The following MAML3 variants were observed in gnomAD, a reference collection of about 807,000 sequenced individuals.
The protein encoded by MAML3 is mastermind-like protein 3.
MAML3 carries 27 observed loss-of-function variants against 101.9 expected under a neutral mutation model. That is an observed-to-expected ratio of 0.27 (90% CI 0.20 to 0.37). The LOEUF (loss-of-function observed/expected upper bound fraction) is 0.37. Among genes scored for constraint, MAML3 ranks in the 10% least tolerant of loss-of-function variants. The pLI, the probability that MAML3 is intolerant of heterozygous loss-of-function variation, is 1.00. For missense variants in MAML3, 1,316 were observed against 1,444.9 expected, an observed-to-expected ratio of 0.91 and a Z score of 1.45; for synonymous variants, 501 against 555.9, an observed-to-expected ratio of 0.90 and a Z score of 1.39.
At chr4:139,835,256 T>A (rs1731238483) in intron 2 of MAML3, among the ~76,000 whole-genome samples, 1 of 152,250 alleles carries the variant, frequency 6.6e-6, no homozygotes, top group African/African-American at 2.4e-5. Context: ...TGCATGCATG[T>A]TTATACTTCT....
chr4:139,918,924 C>G (rs887976183), intron 1 of MAML3, among the ~76,000 whole-genome samples: 3 of 151,970 alleles, frequency 2.0e-5, no homozygotes, highest in Non-Finnish European at 2.9e-5. Context: ...TTGGATTGAC[C>G]CCCAAGAAGC....
At chr4:140,090,264 G>A (rs1017467745) in intron 1 of MAML3, among the ~76,000 whole-genome samples, 15 of 152,146 alleles carry the variant, frequency 9.9e-5, no homozygotes, top group Non-Finnish European at 2.9e-5. Context: ...ATCCAACAAT[G>A]AAACAGCGAA....
At chr4:139,947,465 C>T (rs1323770807) in intron 1 of MAML3, among the ~76,000 whole-genome samples, 1 of 152,186 alleles carries the variant, frequency 6.6e-6, no homozygotes, top group African/African-American at 2.4e-5. Context: ...TCATGTAACA[C>T]TAACAATGCT....
chr4:139,734,203 C>T (rs1005180269), intron 2 of MAML3, among the ~76,000 whole-genome samples: 1 of 152,196 alleles, frequency 6.6e-6, no homozygotes, highest in Admixed American at 6.5e-5. Context: ...CCTCCAGTCT[C>T]AGAGGGCTTA....
chr4:139,928,050 T>C (rs980473327), intron 1 of MAML3, among the ~76,000 whole-genome samples: 18 of 152,226 alleles, frequency 1.2e-4, no homozygotes, highest in African/African-American at 3.9e-4. Context: ...GCTATATTTC[T>C]GCATCTGTCT....
chr4:139,723,114 A>C (rs1312486423), intron 4 of MAML3, among the ~76,000 whole-genome samples: 2 of 152,250 alleles, frequency 1.3e-5, no homozygotes, highest in Non-Finnish European at 2.9e-5. Context: ...TATCTATATG[A>C]GTGCGAAATA....
At chr4:139,899,848 T>A (rs990222746) in intron 1 of MAML3, among the ~76,000 whole-genome samples, 1 of 152,226 alleles carries the variant, frequency 6.6e-6, no homozygotes, top group African/African-American at 2.4e-5. Context: ...TTAAAACCTC[T>A]GCTTTCGACC....
intron 2 of MAML3, among the ~76,000 whole-genome samples, chr4:139,759,922 T>C (rs113871448): frequency 0.034 from 5,173 of 152,288 alleles, 261 homozygotes; most frequent in African/African-American, 0.11. Flanking sequence ...TCTGAAAATA[T>C]GTAAAACAAA....
Position 140,137,089 on chromosome 4 carries a change from C to T in MAML3, c.468+15771G>A, listed in dbSNP as rs549902388. The stretch of plus-strand genomic sequence containing the variant: ...CTGCAGGCTCCGCCTCCCGGGTTCA[C>T]GCCATTCTCCTGCCTCAGCCTCCTG... On this transcript the variant is annotated intron_variant, in intron 1 of 4. Transcript: ENST00000509479. 2.6e-5 allele frequency among the ~76,000 whole-genome samples: 4 copies of T among 152,324 alleles called. No homozygotes were observed. The South Asian group carries it at 8.3e-4, about 32-fold the overall frequency.
At chr4:139,742,842 A>G (rs911240789) in intron 2 of MAML3, among the ~76,000 whole-genome samples, 2 of 152,210 alleles carry the variant, frequency 1.3e-5, no homozygotes, top group Non-Finnish European at 2.9e-5. Flanking sequence ...CTTTTTGACT[A>G]TAACAATAGA....
At chr4:139,978,988 G>C (rs1734397935) in intron 1 of MAML3, among the ~76,000 whole-genome samples, 1 of 151,740 alleles carries the variant, frequency 6.6e-6, no homozygotes, top group Non-Finnish European at 1.5e-5. Flanking sequence ...AGTTACCTTA[G>C]AGAAACTGAC....
Position 140,088,225 on chromosome 4 carries a change from A to G in MAML3, c.468+64635T>C, listed in dbSNP as rs560150884. Among the ~76,000 whole-genome samples, 560 of 146,724 alleles carry G rather than the reference A, an allele frequency of 3.8e-3. 2 individuals carry two copies. Among genetic ancestry groups the G allele is most frequent in the African/African-American group, 0.013 (510 of 40,524 alleles). ...AAAGTGTGATGGGAGGGAGGAAGGG[A>G]GGGAGGACGGGAGGGAGGGAAAGAA... On this transcript the variant is annotated intron_variant, in intron 1 of 4. Coordinates refer to ENST00000509479, the MANE Select transcript of MAML3 (RefSeq NM_018717.5).
intron 2 of MAML3, among the ~76,000 whole-genome samples, chr4:139,872,685 T>C (rs886863565): frequency 2.6e-5 from 4 of 152,028 alleles, no homozygotes; most frequent in East Asian, 1.9e-4. Context: ...AAGGAAGGGA[T>C]AGAAATGATA....
chr4:139,987,482 T>G (rs191098043), intron 1 of MAML3, among the ~76,000 whole-genome samples: 1 of 152,338 alleles, frequency 6.6e-6, no homozygotes, highest in East Asian at 1.9e-4. Flanking sequence ...TCTTATGCCG[T>G]TCTTTATGGT....
intron 1 of MAML3, among the ~76,000 whole-genome samples, chr4:139,930,440 A>T (rs1485481905): frequency 6.6e-6 from 1 of 152,154 alleles, no homozygotes; most frequent in East Asian, 1.9e-4. Flanking sequence ...CCATCAGGGA[A>T]CTCAGCAGCT....
chr4:140,026,442 C>T (rs183663041), intron 1 of MAML3, among the ~76,000 whole-genome samples: 22 of 152,056 alleles, frequency 1.4e-4, no homozygotes, highest in Admixed American at 5.9e-4. Context: ...TTAGTACAGA[C>T]GGGGTTTCAC....
chr4:139,835,806 A>C (rs1731246711), intron 2 of MAML3, among the ~76,000 whole-genome samples: 1 of 152,244 alleles, frequency 6.6e-6, no homozygotes, highest in Non-Finnish European at 1.5e-5. Context: ...CAATGACAGA[A>C]GAGTCAAATG....
chr4:139,970,256 C>G (rs1265141031), intron 1 of MAML3, among the ~76,000 whole-genome samples: 1 of 152,112 alleles, frequency 6.6e-6, no homozygotes, highest in South Asian at 2.1e-4. Context: ...TTGAGTAGAG[C>G]ATTGGATGAA....
At chr4:139,986,676 T>C (rs1207140418) in intron 1 of MAML3, among the ~76,000 whole-genome samples, 1 of 151,788 alleles carries the variant, frequency 6.6e-6, no homozygotes, top group Non-Finnish European at 1.5e-5. Context: ...TCTACAAAAA[T>C]AGAGGCCAAA....
Sources: gnomAD v4.1 joint callset for allele counts (sites outside exome capture counted in the v4.1 genomes callset) on GRCh38, gnomAD v4.1.1 for gene constraint, MANE v1.5 for transcripts, NCBI Gene and HGNC (gene_info 2026-07-23, HGNC 2026-07-21) for gene names.